The following ZMAT4 variants were observed in gnomAD, a reference collection of about 807,000 sequenced individuals.
ZMAT4 encodes zinc finger matrin-type 4.
In ZMAT4, 17 loss-of-function variants were observed where a neutral mutation model predicts 28.7. The observed-to-expected ratio is 0.59, with a 90% CI of 0.41 to 0.89. The LOEUF (loss-of-function observed/expected upper bound fraction) is 0.89. Among genes scored for constraint, ZMAT4 ranks in the 40% least tolerant of loss-of-function variants. The pLI is 0.00. For synonymous variants in ZMAT4, 117 were observed against 109.2 expected (o/e 1.07, Z -0.44); for missense variants, 240 against 283.8 (o/e 0.85, Z 1.11).
At chr8:40,817,180 A>G (rs1446519679) in intron 2 of ZMAT4, among the ~76,000 whole-genome samples, 1 of 152,218 alleles carries the variant, frequency 6.6e-6, no homozygotes, top group African/African-American at 2.4e-5. Context: ...TTACTGATAC[A>G]TGGAACTTTC....
At chr8:40,715,882 GC>G (rs1349294289) in intron 3 of ZMAT4, among the ~76,000 whole-genome samples, 1 of 152,224 alleles carries the variant, frequency 6.6e-6, no homozygotes, top group East Asian at 1.9e-4. Context: ...CAACAGCCAG[GC>G]CCTCCAAGTC....
At chr8:40,882,192 G>A (rs994703090) in intron 1 of ZMAT4, among the ~76,000 whole-genome samples, 1 of 152,164 alleles carries the variant, frequency 6.6e-6, no homozygotes, top group Non-Finnish European at 1.5e-5. Context: ...ATTCAGCTCA[G>A]GTTAGAGAGA....
Position 40,683,242 on chromosome 8 carries a change from G to A in ZMAT4, c.350-8311C>T, listed in dbSNP as rs75331843. On this transcript the variant is annotated intron_variant, in intron 4 of 6. Coordinates refer to ENST00000297737, the MANE Select transcript of ZMAT4 (RefSeq NM_024645.3). ...TCCTGCAGGTATAACGATGAATGCC[G>A]GAATCAATGATAGCATCCACTCTGT... Among the ~76,000 whole-genome samples the A allele has an allele frequency of 3.1e-3, 477 of 152,206 alleles. 8 individuals carry two copies. In the South Asian group the frequency reaches 0.06, roughly 19 times the overall value.
chr8:40,862,551 C>A (rs1817533191), intron 1 of ZMAT4, among the ~76,000 whole-genome samples: 1 of 137,756 alleles, frequency 7.3e-6, no homozygotes, highest in Non-Finnish European at 1.5e-5. Flanking sequence ...GCACATGTAC[C>A]CTAAAACTTA....
intron 5 of ZMAT4, among the ~76,000 whole-genome samples, chr8:40,581,702 G>A (rs1563349937): frequency 1.3e-5 from 2 of 152,120 alleles, no homozygotes; most frequent in African/African-American, 4.8e-5. Flanking sequence ...ACTCATTTAG[G>A]TGTTTCTTCT....
rs368266468 is a variant in ZMAT4, at chr8:40,536,609, G to A, written c.675-4371C>T. ...CTCTACGTGCTGGCTCTCACATGTT[G>A]CCATGGTTGGTGCAGGCAGTTCCTT... On this transcript the variant is annotated intron_variant, in intron 6 of 6. Transcript: ENST00000297737. Among the ~76,000 whole-genome samples, 7 of 152,158 alleles carry A rather than the reference G, an allele frequency of 4.6e-5. No homozygotes were observed. In the South Asian group the frequency reaches 6.2e-4, roughly 14 times the overall value.
chr8:40,710,741 C>A (rs997197360), intron 3 of ZMAT4, among the ~76,000 whole-genome samples: 10 of 151,938 alleles, frequency 6.6e-5, no homozygotes, highest in African/African-American at 2.4e-4. Context: ...TCAAAGGCAA[C>A]CTTGAAGCAA....
At chr8:40,767,614 G>A (rs928785037) in intron 3 of ZMAT4, 27 bp downstream of exon 3, 5 of 1,589,632 alleles carry the variant, frequency 3.1e-6, no homozygotes, top group Middle Eastern at 3.4e-4. Flanking sequence ...AATCATCTGA[G>A]GATATCACGT....
rs548424277 is a variant in ZMAT4 at position 40,615,932 on chromosome 8, CA to C, written c.578-34672del. On this transcript the variant is annotated intron_variant, in intron 5 of 6. Transcript: ENST00000297737. Reference sequence around the variant, plus strand: ...GCTTCTGCACAGCAAAAGAAACTACCATCAGAGTGAACAGGCAACCTACAAA... The same window carrying C: ...GCTTCTGCACAGCAAAAGAAACTACCTCAGAGTGAACAGGCAACCTACAAA... Among the ~76,000 whole-genome samples the C allele has an allele frequency of 7.8e-3, 1,188 of 152,192 alleles. 13 individuals are homozygous for C. Among genetic ancestry groups the C allele is most frequent in the African/African-American group, 0.027 (1,119 of 41,530 alleles).
chr8:40,827,334 A>G (rs1214941371), intron 1 of ZMAT4, among the ~76,000 whole-genome samples: 1 of 152,230 alleles, frequency 6.6e-6, no homozygotes, highest in Non-Finnish European at 1.5e-5. Context: ...CTGCATTTGA[A>G]AGGGATCAGT....
intron 3 of ZMAT4, among the ~76,000 whole-genome samples, chr8:40,713,487 A>G (rs1374417333): frequency 2.6e-5 from 4 of 152,232 alleles, no homozygotes; most frequent in African/African-American, 9.6e-5. Context: ...AAATGGCAAA[A>G]AAATATTAAC....
chr8:40,672,486 G>A (rs1315260001), intron 5 of ZMAT4, among the ~76,000 whole-genome samples: 1 of 152,214 alleles, frequency 6.6e-6, no homozygotes, highest in Non-Finnish European at 1.5e-5. Context: ...GCATTCCATG[G>A]GCTACTGAGT....
chr8:40,885,764 G>A (rs1391596335), intron 1 of ZMAT4, among the ~76,000 whole-genome samples: 3 of 152,204 alleles, frequency 2.0e-5, no homozygotes, highest in Non-Finnish European at 4.4e-5. Context: ...GGGTCTTCTT[G>A]GGCTGGACTG....
chr8:40,822,295 C>A (rs1274208581), intron 2 of ZMAT4, among the ~76,000 whole-genome samples: 1 of 152,174 alleles, frequency 6.6e-6, no homozygotes, highest in African/African-American at 2.4e-5. Context: ...ATAACTAACT[C>A]TAATATTGCT....
chr8:40,591,811 A>G (rs149358883), intron 5 of ZMAT4, among the ~76,000 whole-genome samples: 84 of 152,266 alleles, frequency 5.5e-4, no homozygotes, highest in South Asian at 3.3e-3. Context: ...TATCACAGTT[A>G]ATCCTCAAAA....
At chr8:40,678,385 C>T (rs1808997714) in intron 4 of ZMAT4, among the ~76,000 whole-genome samples, 1 of 152,162 alleles carries the variant, frequency 6.6e-6, no homozygotes, top group South Asian at 2.1e-4. Context: ...TGATTCCTTT[C>T]CCCATGAAGA....
chr8:40,740,239 T>C (rs1334635771), intron 3 of ZMAT4, among the ~76,000 whole-genome samples: 1 of 152,216 alleles, frequency 6.6e-6, no homozygotes, highest in Non-Finnish European at 1.5e-5. Context: ...ATGGTTGAAC[T>C]AATTTACACT....
intron 5 of ZMAT4, among the ~76,000 whole-genome samples, chr8:40,583,207 T>C (rs1804550736): frequency 6.6e-6 from 1 of 152,192 alleles, no homozygotes; most frequent in Non-Finnish European, 1.5e-5. Flanking sequence ...TAGATTGGAC[T>C]CTGTCATCAC....
At chr8:40,793,627 G>T (rs1814458555) in intron 2 of ZMAT4, among the ~76,000 whole-genome samples, 1 of 152,162 alleles carries the variant, frequency 6.6e-6, no homozygotes, top group Non-Finnish European at 1.5e-5. Flanking sequence ...AAAGTCCAAC[G>T]CTTGCGAACA....
Sources: gnomAD v4.1 joint callset for allele counts (sites outside exome capture counted in the v4.1 genomes callset) on GRCh38, gnomAD v4.1.1 for gene constraint, MANE v1.5 for transcripts, NCBI Gene and HGNC (gene_info 2026-07-23, HGNC 2026-07-21) for gene names.